The following RPL18A variants were observed in gnomAD, a reference collection of about 807,000 sequenced individuals.
RPL18A encodes the protein ribosomal protein L18a.
For synonymous variants in RPL18A, 122 were observed against 96.9 expected, an observed-to-expected ratio of 1.26 and a Z score of -1.52; for missense variants, 163 against 254.1, an observed-to-expected ratio of 0.64 and a Z score of 2.44.
Position 17,859,945 on chromosome 19 carries a change from G to A in RPL18A, c.-12G>A, listed in dbSNP as rs753639665. On this transcript the variant is annotated 5_prime_UTR_variant, in exon 1 of 5. Transcript: ENST00000222247. ...TCCTTTTGCGGGTGGCGGCGAACGC[G>A]GAGAGCACGCCATGAAGGCCTCGGG... is the stretch of plus-strand genomic sequence containing the variant. 29 of 1,543,416 alleles carry A rather than the reference G, an allele frequency of 1.9e-5. No individual in the cohort carries two copies. Among genetic ancestry groups the A allele is most frequent in the Admixed American group, 5.9e-5 (3 of 50,424 alleles).
At chr19:17,860,157 G>A in intron 1 of RPL18A, 183 bp downstream of exon 1, 1 of 557,228 alleles carries the variant, frequency 1.8e-6, no homozygotes, top group Non-Finnish European at 3.0e-6. Flanking sequence ...TGGAGAGAGC[G>A]ATGCGTGACC....
In RPL18A at chr19:17,863,017, A is replaced by G. The variant is rs1428183416; in HGVS notation, c.428A>G (p.Lys143Arg). 53 of 1,611,676 alleles carry G rather than the reference A, an allele frequency of 3.3e-5. No individual in the cohort carries two copies. Among genetic ancestry groups the G allele is most frequent in the Non-Finnish European group, 4.1e-5 (48 of 1,178,570 alleles). Residue 143 changes from lysine to arginine, a missense_variant, in exon 4 of 5, where the codon AAG becomes AGG. Transcript: ENST00000222247. ...AGCAAGTGCCGCCGGCCGGCTGTCA[A>G]GCAGTTCCACGTGAGTGCCCTGGGG... ...AASKCRRPAV[K>R]QFHDSKIKFP... is the part of the protein sequence containing the mutation.
chr19:17,861,797 G>A (rs2094277894), intron 2 of RPL18A: 1 of 541,234 alleles, frequency 1.8e-6, no homozygotes, highest in Non-Finnish European at 3.3e-6. Flanking sequence ...GTGGGTGGTA[G>A]CTAGGTTGGC....
Position 17,862,189 on chromosome 19 carries a change from G to A in RPL18A, c.294G>A (p.Arg98=). ...CCCACAACATGTACCGGGAATACCG[G>A]GACCTGACCACCGCAGGCGCTGTCA... ...SGTHNMYREY[R]DLTTAGAVTQ... The change falls in exon 3 of 5, where the codon CGG becomes CGA. Residue 98 remains arginine, a synonymous_variant. Transcript: ENST00000222247. 6.2e-7 allele frequency: 1 copy of A among 1,613,470 alleles called. No homozygotes were observed. The highest frequency in any genetic ancestry group is 8.5e-7 in the Non-Finnish European group (1 of 1,180,010).
rs2094277773 is a variant in RPL18A, at chr19:17,861,738, T to G, written c.198+266T>G. On this transcript the variant is annotated intron_variant, in intron 2 of 4. Transcript: ENST00000222247. ...TGGGACACCTTGGTTGGTGCTGTCT[T>G]CCCTGGGCCCTGTCTGTTAAGTGAG... is the stretch of plus-strand genomic sequence containing the variant. 3 of 555,866 alleles carry G rather than the reference T, an allele frequency of 5.4e-6. No individual in the cohort carries two copies. The East Asian group carries it at 9.2e-5, about 17-fold the overall frequency. The allele number at this position is 555,866 out of a possible 1,614,324, so 34.4% of individuals were successfully genotyped here. A position where few individuals can be genotyped will look rare whatever the true frequency, so the allele number is the denominator to read the frequency against.
chr19:17,860,053 C>T, intron 1 of RPL18A, 79 bp downstream of exon 1: 2 of 1,297,880 alleles, frequency 1.5e-6, no homozygotes, highest in African/African-American at 1.6e-5. Context: ...TGGCGTGGGC[C>T]GGGTTGGTGC....
chr19:17,862,753 T>C, intron 3 of RPL18A, 165 bp from the exon 4 acceptor site: 1 of 760,902 alleles, frequency 1.3e-6, no homozygotes, highest in Non-Finnish European at 2.4e-6. Flanking sequence ...ACCCAGGCCT[T>C]GGGCTATCTC....
chr19:17,861,252 C>T, intron 1 of RPL18A, 41 bp from the exon 2 acceptor site: 1 of 1,592,794 alleles, frequency 6.3e-7, no homozygotes, highest in Non-Finnish European at 8.6e-7. Context: ...CCACAGTTGC[C>T]TCTGGGTGCT....
chr19:17,860,225 G>C, intron 1 of RPL18A: 1 of 502,396 alleles, frequency 2.0e-6, no homozygotes, highest in Non-Finnish European at 3.5e-6. Context: ...CCCGGGGGAA[G>C]GAATAAGTCG....
intron 1 of RPL18A, 89 bp from the exon 2 acceptor site, chr19:17,861,204 G>A (rs979271936): frequency 4.8e-6 from 6 of 1,257,334 alleles, no homozygotes; most frequent in Admixed American, 4.0e-5. Flanking sequence ...TCCCGAATCT[G>A]TGGTCACTAG....
intron 1 of RPL18A, chr19:17,860,385 C>G (rs2094275043): frequency 2.2e-5 from 5 of 224,370 alleles, no homozygotes; most frequent in Non-Finnish European, 1.8e-5. Context: ...TAACAGTGAG[C>G]CGAAACGGGG....
intron 3 of RPL18A, 179 bp downstream of exon 3, chr19:17,862,402 G>C (rs1174398395): frequency 9.3e-6 from 7 of 749,456 alleles, no homozygotes; most frequent in Non-Finnish European, 1.6e-5. Flanking sequence ...TGCCAGGCTC[G>C]GTTGTAAATC....
chr19:17,862,268 TC>T (rs1195733298), intron 3 of RPL18A, 45 bp downstream of exon 3: 3 of 1,603,038 alleles, frequency 1.9e-6, no homozygotes, highest in Non-Finnish European at 2.6e-6. Flanking sequence ...CCTCCTTGAC[TC>T]CCTCACACTG....
chr19:17,861,163 T>C, intron 1 of RPL18A, 130 bp from the exon 2 acceptor site: 1 of 720,310 alleles, frequency 1.4e-6, no homozygotes, highest in Non-Finnish European at 2.4e-6. Flanking sequence ...AGAATCCACA[T>C]GGAGGCCCTA....
At chr19:17,863,053 G>A in intron 4 of RPL18A, 26 bp downstream of exon 4, 1 of 1,586,356 alleles carries the variant, frequency 6.3e-7, no homozygotes, top group Non-Finnish European at 8.6e-7. Context: ...GACTCCCCTG[G>A]AGGGAAGTGC....
At chr19:17,862,685 C>T (rs374837687) in intron 3 of RPL18A, 120 of 755,838 alleles carry the variant, frequency 1.6e-4, no homozygotes, top group South Asian at 1.3e-3. Flanking sequence ...GGGCTGTGGC[C>T]GTGCCCCTCA....
In RPL18A at chr19:17,862,984, T is replaced by C. The variant is rs1285387604; in HGVS notation, c.395T>C (p.Ile132Thr). The stretch of plus-strand genomic sequence containing the variant: ...ATTCAGATCATGAAGGTGGAGGAGA[T>C]CGCGGCCAGCAAGTGCCGCCGGCCG... ...HSIQIMKVEE[I>T]AASKCRRPAV... The change falls in exon 4 of 5, where the codon ATC (isoleucine) becomes ACC (threonine). Residue 132 changes from isoleucine to threonine, a missense_variant. Transcript: ENST00000222247. The C allele has an allele frequency of 6.2e-7, 1 of 1,612,424 alleles. No homozygotes were observed.
chr19:17,861,535 A>T, intron 2 of RPL18A, 63 bp downstream of exon 2: 1 of 1,290,784 alleles, frequency 7.7e-7, no homozygotes, highest in Non-Finnish European at 1.1e-6. Flanking sequence ...GACATCGTGC[A>T]TCTCAAGAAT....
Position 17,859,913 on chromosome 19 carries a change from G to T in RPL18A, c.-44G>T. On this transcript the variant is annotated 5_prime_UTR_variant, in exon 1 of 5. It adds an upstream start codon to the 5' untranslated region. Coordinates refer to ENST00000222247, the MANE Select transcript of RPL18A (RefSeq NM_000980.4). ...GCCTGGTGAACGGCTGCGCGACAGA[G>T]GACACTTCCTTTTGCGGGTGGCGGC... The T allele has an allele frequency of 6.5e-7, 1 of 1,542,392 alleles. No individual in the cohort carries two copies. Among genetic ancestry groups the T allele is most frequent in the Non-Finnish European group, 8.7e-7 (1 of 1,144,214 alleles).
Sources: allele counts gnomAD v4.1 joint callset, GRCh38; gene constraint gnomAD v4.1.1; transcripts MANE v1.5; gene names NCBI Gene and HGNC (gene_info 2026-07-23, HGNC 2026-07-21).